SNX29: variants seen among roughly 807,000 people sequenced by gnomAD.
SNX29 encodes sorting nexin 29.
SNX29 carries 78 observed loss-of-function variants against 102.1 expected under a neutral mutation model. The ratio of observed to expected loss-of-function variants is 0.76; its 90% confidence interval spans 0.64 to 0.92. The LOEUF is 0.92. SNX29 is among the 40% of genes least tolerant of loss of function. The pLI, the probability that SNX29 is intolerant of heterozygous loss-of-function variation, is 0.00. For missense variants in SNX29, 1,280 were observed against 1,061.7 expected (o/e 1.21, Z -2.86); for synonymous variants, 580 against 414.5 (o/e 1.40, Z -4.85).
At chr16:12,441,177 T>C (rs1198700261) in intron 18 of SNX29, among the ~76,000 whole-genome samples, 2 of 147,318 alleles carry the variant, frequency 1.4e-5, no homozygotes, top group African/African-American at 2.5e-5. Context: ...AAGCTCCGCC[T>C]CCTGGGTTCC....
intron 19 of SNX29, among the ~76,000 whole-genome samples, chr16:12,517,160 G>A (rs210711): frequency 0.031 from 4,772 of 152,288 alleles, 197 homozygotes; most frequent in East Asian, 0.21. Flanking sequence ...TGGGTGGCAA[G>A]GACTCATTAG....
intron 18 of SNX29, among the ~76,000 whole-genome samples, chr16:12,471,628 T>G (rs567257635): frequency 6.6e-6 from 1 of 152,354 alleles, no homozygotes; most frequent in Non-Finnish European, 1.5e-5. Context: ...CGGCCTGGCT[T>G]AGACATCCCT....
intron 18 of SNX29, among the ~76,000 whole-genome samples, chr16:12,455,534 C>T (rs2086498783): frequency 6.6e-6 from 1 of 152,216 alleles, no homozygotes; most frequent in Admixed American, 6.5e-5. Flanking sequence ...CTTGTCTCTT[C>T]CCTCCCTGAG....
At chr16:12,551,078 G>C (rs990292215) in intron 20 of SNX29, among the ~76,000 whole-genome samples, 1 of 152,136 alleles carries the variant, frequency 6.6e-6, no homozygotes, top group African/African-American at 2.4e-5. Context: ...TCATCTCCAT[G>C]TGATCCTCTC....
intron 15 of SNX29, among the ~76,000 whole-genome samples, chr16:12,345,111 T>G (rs2081752851): frequency 6.6e-6 from 1 of 152,220 alleles, no homozygotes; most frequent in South Asian, 2.1e-4. Context: ...GTGTTGTCAG[T>G]GGCTTTGGCA....
chr16:12,013,163 G>A (rs918861820), intron 3 of SNX29, among the ~76,000 whole-genome samples: 1 of 151,694 alleles, frequency 6.6e-6, no homozygotes, highest in African/African-American at 2.4e-5. Context: ...TGGAGGTTGA[G>A]AAATAATGTC....
At chr16:12,145,958 A>G (rs767369963) in intron 13 of SNX29, among the ~76,000 whole-genome samples, 3 of 152,240 alleles carry the variant, frequency 2.0e-5, no homozygotes, top group Non-Finnish European at 4.4e-5. Context: ...TTCCCATGTT[A>G]GAAGGTAAGC....
chr16:12,557,580 T>G (rs1744440649), intron 20 of SNX29: 1 of 152,166 alleles, frequency 6.6e-6, no homozygotes, highest in Admixed American at 6.5e-5. Context: ...TAGGCTGATC[T>G]TGAACTCCTG....
Position 12,571,932 on chromosome 16 carries a change from A to G in SNX29, c.*3303A>G, listed in dbSNP as rs1202208891. 4 of 1,061,870 alleles carry G rather than the reference A, an allele frequency of 3.8e-6. No individual in the cohort carries two copies. The highest frequency in any genetic ancestry group is 9.1e-5 in the South Asian group (2 of 21,948). The allele number at this position is 1,061,870 out of a possible 1,614,324, so 65.8% of individuals were successfully genotyped here. A position where few individuals can be genotyped will look rare whatever the true frequency, so the allele number is the denominator to read the frequency against. The stretch of plus-strand genomic sequence containing the variant: ...TCTACTGGCAGGCCCTGGTGAAGGA[A>G]GACACTTTCAGGGAAGAGGCTCTTA... On this transcript the variant is annotated 3_prime_UTR_variant, in exon 21 of 21. Transcript: ENST00000566228.
chr16:12,069,009 A>G (rs200087908), intron 9 of SNX29, 48 bp from the exon 10 acceptor site: 11 of 1,564,026 alleles, frequency 7.0e-6, no homozygotes, highest in African/African-American at 1.4e-5. Flanking sequence ...TATGGAGAAC[A>G]TGTAGTGAGA....
At chr16:12,125,478 G>A (rs1475180580) in intron 11 of SNX29, among the ~76,000 whole-genome samples, 1 of 152,100 alleles carries the variant, frequency 6.6e-6, no homozygotes, top group Non-Finnish European at 1.5e-5. Flanking sequence ...GACCTGGGAG[G>A]GTAGGGAAGG....
chr16:12,162,199 C>T (rs918023236), intron 13 of SNX29, among the ~76,000 whole-genome samples: 2 of 152,154 alleles, frequency 1.3e-5, no homozygotes, highest in African/African-American at 2.4e-5. Context: ...TCAGCACGGT[C>T]GGCTCCTTCT....
At chr16:12,504,423 C>G (rs2089277501) in intron 19 of SNX29, among the ~76,000 whole-genome samples, 1 of 152,170 alleles carries the variant, frequency 6.6e-6, no homozygotes, top group Non-Finnish European at 1.5e-5. Context: ...ACCCCCAGCC[C>G]TAGGCAACCA....
chr16:12,412,612 C>T lies in SNX29; in HGVS notation c.2037+9083C>T, dbSNP rs116405995. Among the ~76,000 whole-genome samples, 596 of 152,306 alleles carry T rather than the reference C, an allele frequency of 3.9e-3. 2 individuals are homozygous for T. The highest frequency in any genetic ancestry group is 0.012 in the African/African-American group (486 of 41,568). The stretch of plus-strand genomic sequence containing the variant: ...TTCAGCCTCATATGCATAAAGTCTT[C>T]GCGTGTTAGGCTTTGAAGAAAACTT... On this transcript the variant is annotated intron_variant, in intron 18 of 20. Coordinates refer to ENST00000566228, the MANE Select transcript of SNX29 (RefSeq NM_032167.5).
chr16:12,527,991 T>A (rs2076832486), intron 20 of SNX29, among the ~76,000 whole-genome samples: 1 of 26,860 alleles, frequency 3.7e-5, no homozygotes. Flanking sequence ...TGCCTGGCTA[T>A]TTTTTTTTTA....
chr16:12,160,744 T>G (rs2055748972), intron 13 of SNX29, among the ~76,000 whole-genome samples: 1 of 152,168 alleles, frequency 6.6e-6, no homozygotes, highest in South Asian at 2.1e-4. Context: ...TAAGGAGATT[T>G]TGTACAAAAT....
chr16:12,079,432 C>T (rs2051752286), intron 11 of SNX29, among the ~76,000 whole-genome samples: 1 of 152,148 alleles, frequency 6.6e-6, no homozygotes, highest in South Asian at 2.1e-4. Context: ...CTGACGGGTG[C>T]TCCTGGTATC....
At chr16:12,265,236 A>G (rs1193489774) in intron 14 of SNX29, among the ~76,000 whole-genome samples, 1 of 152,202 alleles carries the variant, frequency 6.6e-6, no homozygotes, top group East Asian at 1.9e-4. Flanking sequence ...ATTCCAGCAA[A>G]GAAGTTTTCA....
At chr16:12,162,898 T>G (rs1390348834) in intron 13 of SNX29, among the ~76,000 whole-genome samples, 1 of 152,172 alleles carries the variant, frequency 6.6e-6, no homozygotes, top group African/African-American at 2.4e-5. Flanking sequence ...TTTCTTTTTT[T>G]TTTGAGACAG....
Sources: gnomAD v4.1 joint callset for allele counts (sites outside exome capture counted in the v4.1 genomes callset) on GRCh38, gnomAD v4.1.1 for gene constraint, MANE v1.5 for transcripts, NCBI Gene and HGNC (gene_info 2026-07-23, HGNC 2026-07-21) for gene names.